Variants in GSG1L observed in about 807,000 individuals in gnomAD.
GSG1L encodes germ cell-specific gene 1-like protein.
Under a neutral mutation model 42.1 loss-of-function variants are expected in GSG1L, and 24 were observed. That is an observed-to-expected ratio of 0.57 (90% CI 0.41 to 0.80). The LOEUF is 0.80. Among genes scored for constraint, GSG1L ranks in the 30% least tolerant of loss-of-function variants. GSG1L has a pLI of 0.00. For synonymous variants in GSG1L, 215 were observed against 203.5 expected (o/e 1.06, Z -0.48); for missense variants, 445 against 472.2 (o/e 0.94, Z 0.53).
intron 2 of GSG1L, among the ~76,000 whole-genome samples, chr16:27,924,383 T>C (rs1004561681): frequency 1.3e-5 from 2 of 151,996 alleles, no homozygotes; most frequent in African/African-American, 4.8e-5. Context: ...ACAAATGTAC[T>C]ACCCTAACAC....
At chr16:27,911,174 G>C (rs1380441055) in intron 2 of GSG1L, among the ~76,000 whole-genome samples, 1 of 151,896 alleles carries the variant, frequency 6.6e-6, no homozygotes, top group African/African-American at 2.4e-5. Flanking sequence ...GGACTTCCTT[G>C]GAGTTTCTTG....
chr16:27,900,754 T>C (rs2084247152), intron 2 of GSG1L, among the ~76,000 whole-genome samples: 2 of 151,364 alleles, frequency 1.3e-5, no homozygotes, highest in Middle Eastern at 3.4e-3. Context: ...TGTTTTTCAA[T>C]GCATAAAACA....
At position 27,985,814 on chromosome 16, in the gene GSG1L, C is replaced by G. The variant is rs2085375584; in HGVS notation, c.350-22611G>C. ...CACCATTGCACTCCAGCCTGGGCAACAAGAGTGAAACTCTGTCTCAAAAAA... is the reference window on the plus strand; with the variant it reads ...CACCATTGCACTCCAGCCTGGGCAAGAAGAGTGAAACTCTGTCTCAAAAAA... On this transcript the variant is annotated intron_variant, in intron 1 of 6. Transcript: ENST00000447459. Among the ~76,000 whole-genome samples the G allele has an allele frequency of 3.3e-5, 5 of 152,094 alleles. No homozygotes were observed. In the South Asian group the frequency reaches 1.0e-3, roughly 32 times the overall value.
At chr16:28,060,179 C>T (rs1024048905) in intron 1 of GSG1L, among the ~76,000 whole-genome samples, 2 of 150,760 alleles carry the variant, frequency 1.3e-5, no homozygotes, top group African/African-American at 2.4e-5. Flanking sequence ...GTGGGGGAGG[C>T]GAGATTTTGT....
rs138646586 is a variant in GSG1L at position 27,791,139 on chromosome 16, C to T, written c.*231G>A. Reference sequence around the variant, plus strand: ...GATGGCAAGAGTCCGGGGCTGCTGTCCCAAAGTCACTCTGTGCAGCCCTGT... The same window carrying T: ...GATGGCAAGAGTCCGGGGCTGCTGTTCCAAAGTCACTCTGTGCAGCCCTGT... On this transcript the variant is annotated 3_prime_UTR_variant, in exon 7 of 7. Transcript: ENST00000447459. 1 of 378,696 alleles carries T rather than the reference C, an allele frequency of 2.6e-6. No individual in the cohort carries two copies. The highest frequency in any genetic ancestry group is 2.1e-5 in the African/African-American group (1 of 48,340). 23.5% of individuals were successfully genotyped at this position (378,696 alleles called of 1,614,324 possible).
chr16:27,796,929 C>T (rs1036811356), intron 6 of GSG1L, among the ~76,000 whole-genome samples: 1 of 152,138 alleles, frequency 6.6e-6, no homozygotes, highest in African/African-American at 2.4e-5. Flanking sequence ...AGATGCGGCC[C>T]TCCCCCCGGG....
chr16:27,879,548 G>A (rs978227704), intron 3 of GSG1L, among the ~76,000 whole-genome samples: 2 of 152,194 alleles, frequency 1.3e-5, no homozygotes, highest in Non-Finnish European at 2.9e-5. Context: ...CCAGAAGGTC[G>A]ACACTGCAGT....
rs541155336 is a variant in GSG1L, at chr16:27,919,805, A to G, written c.398-35167T>C. ...TAGTTGATAATATGGAGTCCATATC[A>G]TTGGATTTTCACCTGAAAGGAGGAA... On this transcript the variant is annotated intron_variant, in intron 2 of 6. Coordinates refer to ENST00000447459, the MANE Select transcript of GSG1L (RefSeq NM_001109763.2). Among the ~76,000 whole-genome samples, 15 of 152,346 alleles carry G rather than the reference A, an allele frequency of 9.8e-5. No individual in the cohort carries two copies. In the East Asian group the frequency reaches 2.7e-3, roughly 27 times the overall value.
chr16:27,829,431 TGATGGGGAAGGA>T (rs1380887017), intron 4 of GSG1L, among the ~76,000 whole-genome samples: 6 of 152,064 alleles, frequency 3.9e-5, no homozygotes. Context: ...CTGGAGTTGG[TGATGGGGAAGGA>T]GATGGGGGCA....
chr16:27,807,457 G>A (rs202218910), intron 6 of GSG1L, 30 bp downstream of exon 6: 73 of 1,587,534 alleles, frequency 4.6e-5, no homozygotes, highest in African/African-American at 3.4e-4. Flanking sequence ...TGAATCTGTC[G>A]TAGCAGATAC....
At chr16:27,958,431 A>AC (rs2141102843) in intron 2 of GSG1L, among the ~76,000 whole-genome samples, 1 of 149,194 alleles carries the variant, frequency 6.7e-6, no homozygotes, top group Non-Finnish European at 1.5e-5. Flanking sequence ...AAAAAAAGAA[A>AC]AGAAAACTAT....
intron 6 of GSG1L, among the ~76,000 whole-genome samples, chr16:27,802,384 G>A (rs2082892862): frequency 6.6e-6 from 1 of 152,166 alleles, no homozygotes; most frequent in African/African-American, 2.4e-5. Context: ...TCTGACCACA[G>A]AGGGGGTCTC....
chr16:28,030,625 T>C (rs2085946372), intron 1 of GSG1L, among the ~76,000 whole-genome samples: 1 of 152,226 alleles, frequency 6.6e-6, no homozygotes, highest in African/African-American at 2.4e-5. Context: ...TTTTTGCTTG[T>C]GCTGGTTTGA....
At chr16:27,830,030 G>A (rs956416423) in intron 4 of GSG1L, among the ~76,000 whole-genome samples, 8 of 152,152 alleles carry the variant, frequency 5.3e-5, no homozygotes, top group African/African-American at 1.9e-4. Context: ...CCCAAACCTG[G>A]AGAATTTGTC....
At chr16:28,000,647 C>A (rs963959699) in intron 1 of GSG1L, among the ~76,000 whole-genome samples, 5 of 152,020 alleles carry the variant, frequency 3.3e-5, no homozygotes, top group African/African-American at 1.2e-4. Context: ...TGAACAAAAC[C>A]AATACCTCTT....
chr16:27,914,575 G>A (rs2084429852), intron 2 of GSG1L, among the ~76,000 whole-genome samples: 1 of 147,866 alleles, frequency 6.8e-6, no homozygotes, highest in South Asian at 2.1e-4. Context: ...CCAGGCTGGA[G>A]TGCAGTGGCA....
At chr16:27,971,278 A>C (rs958254719) in intron 1 of GSG1L, among the ~76,000 whole-genome samples, 2 of 152,172 alleles carry the variant, frequency 1.3e-5, no homozygotes, top group African/African-American at 4.8e-5. Context: ...AAATCCATGA[A>C]CATGGGATGT....
intron 6 of GSG1L, among the ~76,000 whole-genome samples, chr16:27,792,862 C>T (rs971304567): frequency 4.6e-5 from 7 of 152,208 alleles, no homozygotes; most frequent in African/African-American, 1.7e-4. Flanking sequence ...GCATGTGCAG[C>T]TCCAGAGGTA....
chr16:27,852,037 G>A (rs1395422119), intron 3 of GSG1L, among the ~76,000 whole-genome samples: 3 of 152,350 alleles, frequency 2.0e-5, no homozygotes, highest in Non-Finnish European at 4.4e-5. Flanking sequence ...GGGTTTGGAT[G>A]CTTTATGCGA....
Sources: gnomAD v4.1 joint callset for allele counts (sites outside exome capture counted in the v4.1 genomes callset) on GRCh38, gnomAD v4.1.1 for gene constraint, MANE v1.5 for transcripts, NCBI Gene and HGNC (gene_info 2026-07-23, HGNC 2026-07-21) for gene names.